The following SORCS3 variants were observed in gnomAD, a reference collection of about 807,000 sequenced individuals.
SORCS3 encodes VPS10 domain-containing receptor SorCS3.
Under a neutral mutation model 146.3 loss-of-function variants are expected in SORCS3, and 57 were observed. The observed-to-expected ratio is 0.39, with a 90% confidence interval of 0.31 to 0.49. The LOEUF is 0.49. Among genes scored for constraint, SORCS3 ranks in the 20% least tolerant of loss-of-function variants. The pLI, the probability that SORCS3 is intolerant of heterozygous loss-of-function variation, is 0.92. For missense variants in SORCS3, 1,341 were observed against 1,575.5 expected (o/e 0.85, Z 2.52); for synonymous variants, 653 against 618.5 (o/e 1.06, Z -0.83).
intron 6 of SORCS3, among the ~76,000 whole-genome samples, chr10:105,090,428 A>T (rs1167149989): frequency 2.6e-5 from 4 of 152,230 alleles, no homozygotes; most frequent in African/African-American, 9.6e-5. Flanking sequence ...TACCTTGTTC[A>T]GCTGTGTACT....
intron 3 of SORCS3, among the ~76,000 whole-genome samples, chr10:104,962,426 A>T (rs2054801293): frequency 6.6e-6 from 1 of 152,138 alleles, no homozygotes; most frequent in African/African-American, 2.4e-5. Context: ...TCCATATCAG[A>T]GCTGGGCTGG....
intron 1 of SORCS3, among the ~76,000 whole-genome samples, chr10:104,744,940 A>C (rs2016889855): frequency 6.6e-6 from 1 of 152,248 alleles, no homozygotes; most frequent in African/African-American, 2.4e-5. Context: ...CAATTGATAT[A>C]TGCATAAGAC....
intron 1 of SORCS3, among the ~76,000 whole-genome samples, chr10:104,836,617 T>C (rs2018070591): frequency 6.6e-6 from 1 of 152,146 alleles, no homozygotes. Context: ...AATCTTCTAT[T>C]GTCACCGCCC....
At chr10:105,223,487 A>G (rs1008765949) in intron 20 of SORCS3, among the ~76,000 whole-genome samples, 2 of 152,226 alleles carry the variant, frequency 1.3e-5, no homozygotes, top group African/African-American at 4.8e-5. Context: ...GCAAACCTGC[A>G]TGTTCTTGCT....
chr10:104,925,259 C>A (rs940593971), intron 3 of SORCS3, among the ~76,000 whole-genome samples: 1 of 152,210 alleles, frequency 6.6e-6, no homozygotes, highest in Non-Finnish European at 1.5e-5. Flanking sequence ...TAATTTTTAA[C>A]TGTAGAACAC....
intron 5 of SORCS3, among the ~76,000 whole-genome samples, chr10:105,069,623 C>T (rs1025641802): frequency 3.9e-5 from 6 of 152,218 alleles, no homozygotes; most frequent in Non-Finnish European, 5.9e-5. Context: ...CTGGAGTCAA[C>T]TTCACTTTGC....
intron 7 of SORCS3, among the ~76,000 whole-genome samples, chr10:105,108,965 C>T (rs1312833988): frequency 6.6e-6 from 1 of 152,020 alleles, no homozygotes; most frequent in Non-Finnish European, 1.5e-5. Context: ...ACAGTATATT[C>T]TTTGTGTTTA....
chr10:104,821,154 C>A (rs2017868487), intron 1 of SORCS3, among the ~76,000 whole-genome samples: 1 of 152,188 alleles, frequency 6.6e-6, no homozygotes, highest in African/African-American at 2.4e-5. Flanking sequence ...TCAGCAACTT[C>A]AGGCATTCTC....
intron 23 of SORCS3, among the ~76,000 whole-genome samples, chr10:105,254,530 A>G (rs1471974744): frequency 2.6e-5 from 4 of 152,186 alleles, no homozygotes; most frequent in African/African-American, 9.7e-5. Context: ...TGGTTCTAGG[A>G]CTTCTGATAT....
At chr10:104,832,344 A>T (rs1314268753) in intron 1 of SORCS3, among the ~76,000 whole-genome samples, 1 of 152,210 alleles carries the variant, frequency 6.6e-6, no homozygotes, top group Non-Finnish European at 1.5e-5. Flanking sequence ...GCTGGTAAGT[A>T]ACCCCTTCAT....
intron 7 of SORCS3, among the ~76,000 whole-genome samples, chr10:105,131,944 A>G (rs775337573): frequency 1.3e-5 from 2 of 152,168 alleles, no homozygotes; most frequent in Admixed American, 1.3e-4. Context: ...ATTGGGGATT[A>G]TACTTCAATC....
At chr10:104,757,406 A>C (rs1589487394) in intron 1 of SORCS3, among the ~76,000 whole-genome samples, 1 of 152,334 alleles carries the variant, frequency 6.6e-6, no homozygotes, top group African/African-American at 2.4e-5. Context: ...TCTCATTTGC[A>C]AAGCTCTCCA....
chr10:104,926,937 C>T (rs2019154077), intron 3 of SORCS3, among the ~76,000 whole-genome samples: 3 of 152,020 alleles, frequency 2.0e-5, no homozygotes, highest in African/African-American at 7.3e-5. Context: ...GGGTTTGCAT[C>T]GAGTATATCG....
At chr10:104,777,342 C>T (rs1206492062) in intron 1 of SORCS3, among the ~76,000 whole-genome samples, 2 of 152,202 alleles carry the variant, frequency 1.3e-5, no homozygotes, top group East Asian at 3.9e-4. Context: ...CACAGTTACA[C>T]ACTGAGCTGC....
At chr10:104,664,341 G>A (rs1331665311) in intron 1 of SORCS3, among the ~76,000 whole-genome samples, 2 of 152,164 alleles carry the variant, frequency 1.3e-5, no homozygotes, top group African/African-American at 4.8e-5. Context: ...AATGCCTTGA[G>A]GAATCATCCT....
intron 14 of SORCS3, among the ~76,000 whole-genome samples, chr10:105,179,277 T>G (rs576729138): frequency 3.3e-5 from 5 of 152,178 alleles, no homozygotes; most frequent in African/African-American, 1.2e-4. Flanking sequence ...AGGCCACAGC[T>G]TAAGTTCTGT....
chr10:105,197,884 A>T (rs1363937958), intron 14 of SORCS3, among the ~76,000 whole-genome samples: 1 of 152,166 alleles, frequency 6.6e-6, no homozygotes, highest in East Asian at 1.9e-4. Context: ...TTCAATTTCC[A>T]ATGATGACCA....
chr10:104,876,723 C>CTTCCTTCT (rs2018576034), intron 2 of SORCS3, among the ~76,000 whole-genome samples: 1 of 105,550 alleles, frequency 9.5e-6, no homozygotes, highest in African/African-American at 4.1e-5. Context: ...TCCTTCCTTC[C>CTTCCTTCT]TTCCTTCCTT....
At chr10:104,989,775 A>G (rs565077590) in intron 4 of SORCS3, among the ~76,000 whole-genome samples, 4 of 152,318 alleles carry the variant, frequency 2.6e-5, no homozygotes, top group Admixed American at 2.0e-4. Flanking sequence ...CCAGTGGAAG[A>G]GGAGGCACAA....
Sources: allele counts gnomAD v4.1 joint callset (sites outside exome capture counted in the v4.1 genomes callset), GRCh38; gene constraint gnomAD v4.1.1; transcripts MANE v1.5; gene names NCBI Gene and HGNC (gene_info 2026-07-23, HGNC 2026-07-21).